APIP: variants seen among roughly 807,000 people sequenced by gnomAD.
The protein encoded by APIP is methylthioribulose-1-phosphate dehydratase.
APIP carries 32 observed loss-of-function variants against 32.0 expected under a neutral mutation model. The observed-to-expected ratio is 1.00, with a 90% CI of 0.76 to 1.34. The LOEUF (loss-of-function observed/expected upper bound fraction) is 1.34, where lower values mean the gene tolerates loss of function less well. Among genes scored for constraint, APIP ranks in the 40% most tolerant of loss-of-function variants. The pLI is 0.00. For missense variants in APIP, 247 were observed against 298.6 expected (o/e 0.83, Z 1.27); for synonymous variants, 92 against 94.8 (o/e 0.97, Z 0.17).
chr11:34,915,000 T>C (rs1381237275), intron 1 of APIP, among the ~76,000 whole-genome samples: 3 of 25,060 alleles, frequency 1.2e-4, no homozygotes, highest in African/African-American at 6.2e-4. Context: ...GCAAAACGTG[T>C]CAAAAAAAAA....
At chr11:34,898,590 C>T (rs996433426) in intron 1 of APIP, among the ~76,000 whole-genome samples, 5 of 151,726 alleles carry the variant, frequency 3.3e-5, no homozygotes, top group Non-Finnish European at 4.4e-5. Context: ...CTCTGATGTG[C>T]GGGAATTTAG....
chr11:34,889,818 T>C (rs191153622), intron 3 of APIP, among the ~76,000 whole-genome samples: 1 of 152,274 alleles, frequency 6.6e-6, no homozygotes, highest in Admixed American at 6.5e-5. Context: ...CATGATCTTG[T>C]TCTTTATTAT....
chr11:34,916,102 G>C, intron 1 of APIP, 126 bp downstream of exon 1: 1 of 1,295,278 alleles, frequency 7.7e-7, no homozygotes, highest in Non-Finnish European at 1.0e-6. Flanking sequence ...GTAGCGAACG[G>C]CCAGGCCCGA....
At chr11:34,904,796 T>C (rs1853419433) in intron 1 of APIP, among the ~76,000 whole-genome samples, 1 of 152,216 alleles carries the variant, frequency 6.6e-6, no homozygotes, top group African/African-American at 2.4e-5. Context: ...GGATACATTA[T>C]ATTGGAGTCA....
At chr11:34,888,208 T>C (rs760518220) in intron 5 of APIP, 85 bp downstream of exon 5, 24 of 1,236,316 alleles carry the variant, frequency 1.9e-5, no homozygotes, top group East Asian at 2.6e-5. Context: ...CATCTCATTA[T>C]ATGCATAAAA....
intron 1 of APIP, among the ~76,000 whole-genome samples, chr11:34,898,789 T>G (rs1414344686): frequency 6.6e-5 from 1 of 15,218 alleles, no homozygotes; most frequent in Admixed American, 4.7e-4. Context: ...TTCTTTGGTT[T>G]TTTTTTTTTT....
Position 34,882,603 on chromosome 11 carries a change from A to T in APIP, c.*114T>A. 1.5e-6 allele frequency: 1 copy of T among 684,758 alleles called. No individual in the cohort carries two copies. Among genetic ancestry groups the T allele is most frequent in the Non-Finnish European group, 2.4e-6 (1 of 409,786 alleles). The allele number at this position is 684,758 out of a possible 1,614,324, so 42.4% of individuals were successfully genotyped here. A position where few individuals can be genotyped will look rare whatever the true frequency, so the allele number is the denominator to read the frequency against. On this transcript the variant is annotated 3_prime_UTR_variant, in exon 7 of 7. Transcript: ENST00000395787. The stretch of plus-strand genomic sequence containing the variant: ...TTCAGGGTGACCATTTGCAGTATTT[A>T]GTGGCAAATTAGTAGCATCATGAAA...
At chr11:34,913,086 T>C (rs758933446) in intron 1 of APIP, among the ~76,000 whole-genome samples, 2 of 152,218 alleles carry the variant, frequency 1.3e-5, no homozygotes, top group Non-Finnish European at 2.9e-5. Context: ...CTCCTGATTT[T>C]ACTCCCTCAC....
intron 2 of APIP, 47 bp downstream of exon 2, chr11:34,894,963 C>T (rs768899268): frequency 2.6e-5 from 39 of 1,491,882 alleles, no homozygotes; most frequent in Non-Finnish European, 1.9e-5. Context: ...TTGCTGTGGT[C>T]TACTCAAATG....
chr11:34,908,776 A>G (rs972202288), intron 1 of APIP, among the ~76,000 whole-genome samples: 3 of 152,186 alleles, frequency 2.0e-5, no homozygotes, highest in Admixed American at 6.5e-5. Flanking sequence ...TATGCTGGGT[A>G]GGTGAAGAGG....
chr11:34,885,369 G>A (rs899232614), intron 5 of APIP, among the ~76,000 whole-genome samples: 1 of 151,540 alleles, frequency 6.6e-6, no homozygotes, highest in African/African-American at 2.4e-5. Context: ...GGTCCTATAA[G>A]ATTATAATGG....
chr11:34,908,772 G>A (rs578067185), intron 1 of APIP, among the ~76,000 whole-genome samples: 11 of 152,290 alleles, frequency 7.2e-5, no homozygotes, highest in South Asian at 2.1e-4. Context: ...AGTATATGCT[G>A]GGTAGGTGAA....
At chr11:34,895,412 T>C (rs1853253059) in intron 1 of APIP, among the ~76,000 whole-genome samples, 1 of 152,138 alleles carries the variant, frequency 6.6e-6, no homozygotes, top group African/African-American at 2.4e-5. Context: ...TCAACTGAAA[T>C]GGCTGAAAGA....
chr11:34,907,408 A>C (rs1044747369), intron 1 of APIP, among the ~76,000 whole-genome samples: 1 of 152,188 alleles, frequency 6.6e-6, no homozygotes, highest in Non-Finnish European at 1.5e-5. Context: ...TGTCTTTTCC[A>C]GTGCTGCGAT....
In APIP at chr11:34,916,344, A is replaced by G. The variant is rs761405893; in HGVS notation, c.-60T>C. 1.3e-6 allele frequency: 2 copies of G among 1,595,240 alleles called. No individual in the cohort carries two copies. The highest frequency in any genetic ancestry group is 1.7e-6 in the Non-Finnish European group (2 of 1,171,274). ...CCGCACGGCTTTGCGCGCGGCGCTT[A>G]GCCTGGGATACGGCAGCGAGGCCGC... On this transcript the variant is annotated 5_prime_UTR_variant, in exon 1 of 7. Transcript: ENST00000395787.
intron 2 of APIP, among the ~76,000 whole-genome samples, 200 bp downstream of exon 2, chr11:34,894,810 T>C (rs948676906): frequency 2.0e-5 from 3 of 152,246 alleles, no homozygotes; most frequent in Admixed American, 2.0e-4. Flanking sequence ...ATCTTCAGTC[T>C]TTAGCTATTT....
At chr11:34,913,240 A>G (rs983794330) in intron 1 of APIP, among the ~76,000 whole-genome samples, 4 of 152,202 alleles carry the variant, frequency 2.6e-5, no homozygotes, top group Non-Finnish European at 4.4e-5. Context: ...TAGTTTAAAA[A>G]TCTAAGATTT....
intron 1 of APIP, among the ~76,000 whole-genome samples, chr11:34,912,553 T>C (rs758100187): frequency 6.6e-6 from 1 of 152,212 alleles, no homozygotes; most frequent in Non-Finnish European, 1.5e-5. Flanking sequence ...GATTAACATT[T>C]TGAGTCAGTG....
At chr11:34,898,114 C>G (rs747552181) in intron 1 of APIP, among the ~76,000 whole-genome samples, 8 of 152,144 alleles carry the variant, frequency 5.3e-5, no homozygotes. Flanking sequence ...AGAGCCATAT[C>G]ATTTTGGTGT....
Sources: allele counts gnomAD v4.1 joint callset (sites outside exome capture counted in the v4.1 genomes callset), GRCh38; gene constraint gnomAD v4.1.1; transcripts MANE v1.5; gene names NCBI Gene and HGNC (gene_info 2026-07-23, HGNC 2026-07-21).